EPM2A: variants seen among roughly 807,000 people sequenced by gnomAD.
EPM2A encodes EPM2A glucan phosphatase, laforin.
EPM2A carries 21 observed loss-of-function variants against 26.5 expected under a neutral mutation model. That is an observed-to-expected ratio of 0.79 (90% CI 0.56 to 1.14). The LOEUF is 1.14. Ranked by LOEUF, EPM2A falls within the 50% of genes most tolerant of loss-of-function variation. The probability of loss-of-function intolerance (pLI) is 0.00; values close to 1 mark genes in which losing one functional copy is unlikely to be tolerated. For missense variants in EPM2A, 458 were observed against 440.8 expected, an observed-to-expected ratio of 1.04 and a Z score of -0.35; for synonymous variants, 217 against 177.6, an observed-to-expected ratio of 1.22 and a Z score of -1.76.
intron 1 of EPM2A, among the ~76,000 whole-genome samples, chr6:145,710,334 C>A (rs548724922): frequency 1.6e-4 from 24 of 152,200 alleles, no homozygotes; most frequent in African/African-American, 5.1e-4. Context: ...ACTTCTCAAA[C>A]GAAGACATTT....
chr6:145,424,540 A>G (rs554949842), intron 4 of EPM2A, among the ~76,000 whole-genome samples: 15 of 152,322 alleles, frequency 9.8e-5, no homozygotes, highest in African/African-American at 3.6e-4. Flanking sequence ...AAAAGTGTCA[A>G]TAATTATGTC....
chr6:145,735,569 G>T, upstream of EPM2A: 1 of 1,104,188 alleles, frequency 9.1e-7, no homozygotes, highest in Non-Finnish European at 1.1e-6. Context: ...CGAGCACTAG[G>T]CGGCCGCAGC....
intron 3 of EPM2A, chr6:145,502,413 C>A (rs1473163447): frequency 7.0e-6 from 3 of 431,602 alleles, no homozygotes; most frequent in Admixed American, 2.5e-5. Flanking sequence ...AGCCATAGAG[C>A]AGTGTCCTCT....
At chr6:145,492,652 G>A (rs1779769881) in intron 4 of EPM2A, among the ~76,000 whole-genome samples, 1 of 152,206 alleles carries the variant, frequency 6.6e-6, no homozygotes, top group Non-Finnish European at 1.5e-5. Context: ...GGAAGGTGAA[G>A]TGAAAAGGGA....
chr6:145,406,389 T>C lies in EPM2A; in HGVS notation c.556-22292A>G, dbSNP rs139155290. On this transcript the variant is annotated intron_variant, in intron 4 of 4. Coordinates refer to the EPM2A transcript ENST00000638717. ...GCTAGATCTATAGTTCAGATGGCAG[T>C]GCTTCAGAATAATGGCACTGTTATT... 3.1e-3 allele frequency among the ~76,000 whole-genome samples: 471 copies of C among 152,326 alleles called. 5 individuals carry two copies. Among genetic ancestry groups the C allele is most frequent in the African/African-American group, 0.011 (454 of 41,582 alleles).
chr6:145,437,322 G>T (rs1010653095), intron 4 of EPM2A, among the ~76,000 whole-genome samples: 1 of 152,052 alleles, frequency 6.6e-6, no homozygotes, highest in Non-Finnish European at 1.5e-5. Context: ...TACCTGTTAA[G>T]CCTGCAGAAC....
At chr6:145,485,641 T>C (rs1010240777) in intron 4 of EPM2A, among the ~76,000 whole-genome samples, 6 of 152,178 alleles carry the variant, frequency 3.9e-5, no homozygotes, top group Non-Finnish European at 7.4e-5. Context: ...AAGCCTGGGT[T>C]AACCTTAAAG....
In EPM2A at chr6:145,714,566, A is replaced by C. The variant is rs1775513213; in HGVS notation, c.301+20632T>G. ...TGAATAAAGACAAGTGTATTAGTCC[A>C]TTTTCACAATGCTGATAGAGACATA... On this transcript the variant is annotated intron_variant, in intron 1 of 3. Coordinates refer to ENST00000367519, the MANE Select transcript of EPM2A (RefSeq NM_005670.4). Among the ~76,000 whole-genome samples, 4 of 152,196 alleles carry C rather than the reference A, an allele frequency of 2.6e-5. No individual in the cohort carries two copies. The South Asian group carries it at 8.3e-4, about 31-fold the overall frequency.
At chr6:145,589,894 AAAAAAAAG>A (rs1277287315) in intron 2 of EPM2A, among the ~76,000 whole-genome samples, 1 of 151,244 alleles carries the variant, frequency 6.6e-6, no homozygotes, top group Non-Finnish European at 1.5e-5. Flanking sequence ...AGGTTAAAAA[AAAAAAAAG>A]AAAAAAAAGA....
intron 1 of EPM2A, among the ~76,000 whole-genome samples, chr6:145,698,886 C>A (rs1397201999): frequency 6.6e-6 from 1 of 152,060 alleles, no homozygotes; most frequent in Non-Finnish European, 1.5e-5. Flanking sequence ...GAGGAAACAC[C>A]GTAAGGATAC....
intron 1 of EPM2A, among the ~76,000 whole-genome samples, chr6:145,732,801 A>G (rs901340056): frequency 6.6e-6 from 1 of 152,220 alleles, no homozygotes; most frequent in Non-Finnish European, 1.5e-5. Flanking sequence ...CCCAATAATC[A>G]TAGTAAAAAA....
rs545761095 is a variant in EPM2A at position 145,724,914 on chromosome 6, G to A, written c.301+10284C>T. Among the ~76,000 whole-genome samples, 9 of 151,854 alleles carry A rather than the reference G, an allele frequency of 5.9e-5. No individual in the cohort carries two copies. The South Asian group carries it at 1.0e-3, about 18-fold the overall frequency. ...AAATAACATAGGAGAAAAACTAGAC[G>A]CCCTTGGATTTGGAGAAGAGTTTTT... is the stretch of plus-strand genomic sequence containing the variant. On this transcript the variant is annotated intron_variant, in intron 1 of 3. Coordinates refer to ENST00000367519, the MANE Select transcript of EPM2A (RefSeq NM_005670.4).
chr6:145,619,076 G>T (rs1264323322), intron 2 of EPM2A, among the ~76,000 whole-genome samples: 1 of 152,082 alleles, frequency 6.6e-6, no homozygotes. Context: ...AGATGGCAAA[G>T]ATGGCATTCA....
chr6:145,436,015 C>G (rs1778984756), intron 4 of EPM2A, among the ~76,000 whole-genome samples: 1 of 152,066 alleles, frequency 6.6e-6, no homozygotes. Flanking sequence ...TGGGTTTTTA[C>G]AAATGTAAAA....
intron 2 of EPM2A, among the ~76,000 whole-genome samples, chr6:145,604,066 T>C (rs1193687254): frequency 6.6e-6 from 1 of 152,146 alleles, no homozygotes; most frequent in African/African-American, 2.4e-5. Flanking sequence ...TTCATTAAAA[T>C]ACATAGGATG....
intron 4 of EPM2A, among the ~76,000 whole-genome samples, chr6:145,391,854 T>C (rs1367144836): frequency 1.3e-5 from 2 of 151,934 alleles, no homozygotes; most frequent in African/African-American, 4.8e-5. Context: ...CTTTATTTCT[T>C]CCTACCTCTC....
At chr6:145,710,013 C>T (rs940833989) in intron 1 of EPM2A, among the ~76,000 whole-genome samples, 26 of 152,132 alleles carry the variant, frequency 1.7e-4, no homozygotes, top group Non-Finnish European at 3.2e-4. Flanking sequence ...CCATAAAAAC[C>T]CTAGAAGAAA....
At chr6:145,474,241 C>G (rs1212420710) in intron 4 of EPM2A, among the ~76,000 whole-genome samples, 1 of 152,100 alleles carries the variant, frequency 6.6e-6, no homozygotes, top group East Asian at 1.9e-4. Context: ...GTGGGTGGAT[C>G]ACCTGAGGTC....
intron 4 of EPM2A, among the ~76,000 whole-genome samples, chr6:145,423,964 G>A (rs1339809014): frequency 1.3e-5 from 2 of 152,194 alleles, no homozygotes; most frequent in Admixed American, 1.3e-4. Context: ...AGAAACCAGA[G>A]TGTCTCTGAT....
Sources: allele counts gnomAD v4.1 joint callset (sites outside exome capture counted in the v4.1 genomes callset), GRCh38; gene constraint gnomAD v4.1.1; transcripts MANE v1.5; gene names NCBI Gene and HGNC (gene_info 2026-07-23, HGNC 2026-07-21).